The following RAB2B variants were observed in gnomAD, a reference collection of about 807,000 sequenced individuals.
RAB2B encodes RAB2B, member RAS oncogene family.
A neutral mutation model predicts 29.8 loss-of-function variants in RAB2B; 20 were observed. That is an observed-to-expected ratio of 0.67 (90% CI 0.47 to 0.97). The LOEUF (loss-of-function observed/expected upper bound fraction) is 0.97, where lower values mean the gene tolerates loss of function less well. RAB2B is among the 50% of genes least tolerant of loss of function. RAB2B has a pLI of 0.00. For synonymous variants in RAB2B, 93 were observed against 91.7 expected, an observed-to-expected ratio of 1.01 and a Z score of -0.08; for missense variants, 218 against 272.0, an observed-to-expected ratio of 0.80 and a Z score of 1.40.
rs1161100797 is a variant in RAB2B, at chr14:21,463,653, T to A, written c.474+3A>T. Reference sequence around the variant, plus strand: ...GCTTTCCCCACTGTTTTCCAAATAGTACCTCTTCAACATTGCAGGCTGTTT... The same window carrying A: ...GCTTTCCCCACTGTTTTCCAAATAGAACCTCTTCAACATTGCAGGCTGTTT... On this transcript the variant is annotated splice_donor_region_variant and intron_variant, in intron 6 of 7. Coordinates refer to ENST00000397762, the MANE Select transcript of RAB2B (RefSeq NM_032846.4). 1 of 1,590,576 alleles carries A rather than the reference T, an allele frequency of 6.3e-7. No homozygotes were observed. Among genetic ancestry groups the A allele is most frequent in the Non-Finnish European group, 8.6e-7 (1 of 1,158,970 alleles).
intron 3 of RAB2B, among the ~76,000 whole-genome samples, chr14:21,469,656 TAAGA>T (rs1314937931): frequency 1.3e-5 from 2 of 152,222 alleles, no homozygotes; most frequent in Non-Finnish European, 2.9e-5. Context: ...TCTATCCTAT[TAAGA>T]AAGTTTTCAC....
At chr14:21,468,571 C>T in intron 4 of RAB2B, 99 bp downstream of exon 4, 1 of 1,256,908 alleles carries the variant, frequency 8.0e-7, no homozygotes, top group Non-Finnish European at 1.1e-6. Flanking sequence ...GAGGCCATTC[C>T]TAGTTAACAT....
intron 3 of RAB2B, among the ~76,000 whole-genome samples, chr14:21,472,393 T>C (rs1890839810): frequency 1.3e-5 from 2 of 152,108 alleles, no homozygotes; most frequent in African/African-American, 2.4e-5. Flanking sequence ...AACATTTTCA[T>C]GTAGGATGGG....
rs945138551 is a variant in RAB2B at position 21,459,289 on chromosome 14, T to C, written c.*1907A>G. 2 of 151,940 alleles carry C rather than the reference T, an allele frequency of 1.3e-5. No homozygotes were observed. The highest frequency in any genetic ancestry group is 4.8e-5 in the African/African-American group (2 of 41,360). 9.4% of individuals were successfully genotyped at this position (151,940 alleles called of 1,614,324 possible). A position where few individuals can be genotyped will look rare whatever the true frequency, so the allele number is the denominator to read the frequency against. ...GCAGGCAGCCTTACTGTATGCCTCATGGAATGGAGGCAAAAAGCCAGGGAA... is the reference window on the plus strand; with the variant it reads ...GCAGGCAGCCTTACTGTATGCCTCACGGAATGGAGGCAAAAAGCCAGGGAA... On this transcript the variant is annotated 3_prime_UTR_variant, in exon 8 of 8. Coordinates refer to ENST00000397762, the MANE Select transcript of RAB2B (RefSeq NM_032846.4).
At chr14:21,462,872 A>C (rs1890597047) in intron 6 of RAB2B, among the ~76,000 whole-genome samples, 1 of 151,986 alleles carries the variant, frequency 6.6e-6, no homozygotes. Context: ...AAAGAAAAAA[A>C]ACATAGAAGG....
intron 5 of RAB2B, among the ~76,000 whole-genome samples, chr14:21,464,636 G>GA (rs1009381797): frequency 1.3e-5 from 2 of 151,256 alleles, no homozygotes; most frequent in East Asian, 1.9e-4. Context: ...AAAATTAGGT[G>GA]AAAAAAAAGA....
intron 5 of RAB2B, 150 bp from the exon 6 acceptor site, chr14:21,463,917 G>A (rs949766476): frequency 1.7e-6 from 1 of 589,336 alleles, no homozygotes; most frequent in Admixed American, 3.1e-5. Context: ...CAGAGTTACT[G>A]ATTTTTGTAG....
intron 3 of RAB2B, among the ~76,000 whole-genome samples, chr14:21,471,335 G>A (rs959245305): frequency 3.3e-5 from 5 of 151,504 alleles, no homozygotes; most frequent in Non-Finnish European, 7.4e-5. Context: ...TGAAGCAGCA[G>A]GCTGGGCACC....
At chr14:21,474,623 A>G (rs1400693023) in intron 3 of RAB2B, 1 of 430,718 alleles carries the variant, frequency 2.3e-6, no homozygotes, top group African/African-American at 2.0e-5. Flanking sequence ...TTTCTATTCT[A>G]TAAATTTATA....
intron 3 of RAB2B, among the ~76,000 whole-genome samples, chr14:21,472,821 TAAAA>T (rs61115443): frequency 7.6e-6 from 1 of 131,086 alleles, no homozygotes; most frequent in Non-Finnish European, 1.6e-5. Context: ...TATGAGTGCT[TAAAA>T]AAAAAAAAAA....
At position 21,476,955 on chromosome 14, in the gene RAB2B, T is replaced by C; in HGVS notation, c.-83A>G. 3 of 1,449,716 alleles carry C rather than the reference T, an allele frequency of 2.1e-6. No individual in the cohort carries two copies. The highest frequency in any genetic ancestry group is 4.5e-5 in the East Asian group (2 of 44,038). 89.8% of individuals were successfully genotyped at this position (1,449,716 alleles called of 1,614,324 possible). A position where few individuals can be genotyped will look rare whatever the true frequency, so the allele number is the denominator to read the frequency against. ...CCTCTCTAGCCACTCAATCTACCGA[T>C]CTTCTTCTTCTCCCCCTTCCCCCCG... is the stretch of plus-strand genomic sequence containing the variant. On this transcript the variant is annotated 5_prime_UTR_variant, in exon 1 of 8. Coordinates refer to ENST00000397762, the MANE Select transcript of RAB2B (RefSeq NM_032846.4).
At position 21,476,538 on chromosome 14, in the gene RAB2B, G is replaced by A. The variant is rs149304020; in HGVS notation, c.108C>T (p.Asp36=). The change falls in exon 2 of 8, where the codon GAC becomes GAT. Residue 36 remains aspartate, a synonymous_variant. Coordinates refer to ENST00000397762, the MANE Select transcript of RAB2B (RefSeq NM_032846.4). ...AGTAGATGCACTTACCTATTGTGAG[G>A]TCGTGGACAGGCTGGAACCGCTTAT... The part of the protein sequence containing the change: ...FTDKRFQPVH[D]LTIGVEFGAR... The A allele has an allele frequency of 1.1e-4, 180 of 1,613,638 alleles. No homozygotes were observed. Among genetic ancestry groups the A allele is most frequent in the Middle Eastern group, 1.6e-4 (1 of 6,084 alleles).
chr14:21,475,773 T>C (rs994555446), intron 2 of RAB2B, among the ~76,000 whole-genome samples: 2 of 152,210 alleles, frequency 1.3e-5, no homozygotes, highest in African/African-American at 2.4e-5. Context: ...CATCAATTAT[T>C]TGACTCTAAA....
chr14:21,472,473 C>T (rs1890841448), intron 3 of RAB2B, among the ~76,000 whole-genome samples: 1 of 152,082 alleles, frequency 6.6e-6, no homozygotes, highest in African/African-American at 2.4e-5. Context: ...GGCAGGAGAT[C>T]AGGGCTGACA....
Position 21,460,277 on chromosome 14 carries a change from T to C in RAB2B, c.*919A>G, listed in dbSNP as rs776505538. 1.9e-6 allele frequency: 1 copy of C among 518,368 alleles called. No individual in the cohort carries two copies. Among genetic ancestry groups the C allele is most frequent in the Non-Finnish European group, 3.9e-6 (1 of 259,664 alleles). 32.1% of individuals were successfully genotyped at this position (518,368 alleles called of 1,614,324 possible). A position where few individuals can be genotyped will look rare whatever the true frequency, so the allele number is the denominator to read the frequency against. On this transcript the variant is annotated 3_prime_UTR_variant, in exon 8 of 8. Transcript: ENST00000397762. ...ACCCTAATTCTTAGTGGGAAGTGGA[T>C]TGTATATGCTTACGAAATTATTTAT... is the stretch of plus-strand genomic sequence containing the variant.
chr14:21,464,356 C>T (rs1369577554), intron 5 of RAB2B, among the ~76,000 whole-genome samples: 2 of 152,122 alleles, frequency 1.3e-5, no homozygotes, highest in Non-Finnish European at 2.9e-5. Context: ...ACTGAGATCG[C>T]GCCATTGCAC....
rs748351591 is a variant in RAB2B at position 21,474,591 on chromosome 14, T to TA, written c.186+275_186+276insT. ...AAGATGGGAAGGGAGAAAGAGTTTA[T>TA]GTATCAAAAGGGGACATTTACTTTC... On this transcript the variant is annotated intron_variant, in intron 3 of 7. Transcript: ENST00000397762. 88 of 374,168 alleles carry TA rather than the reference T, an allele frequency of 2.4e-4. 1 individual carries two copies. The highest frequency in any genetic ancestry group is 4.3e-4 in the Admixed American group (10 of 23,470). The allele number at this position is 374,168 out of a possible 1,614,324, so 23.2% of individuals were successfully genotyped here.
rs1890550783 is a variant in RAB2B, at chr14:21,461,317, G to A, written c.544-14C>T. Reference sequence around the variant, plus strand: ...GATGCCATTTGCCTGTAAAAGAAAAGAGGCAATAGTTCCCACCTCAGTGTT... The same window carrying A: ...GATGCCATTTGCCTGTAAAAGAAAAAAGGCAATAGTTCCCACCTCAGTGTT... On this transcript the variant is annotated splice_polypyrimidine_tract_variant and intron_variant, in intron 7 of 7. Coordinates refer to ENST00000397762, the MANE Select transcript of RAB2B (RefSeq NM_032846.4). 6.3e-7 allele frequency: 1 copy of A among 1,588,130 alleles called. No individual in the cohort carries two copies. The highest frequency in any genetic ancestry group is 8.6e-7 in the Non-Finnish European group (1 of 1,157,830).
chr14:21,475,532 G>T (rs993823563), intron 2 of RAB2B, among the ~76,000 whole-genome samples: 28 of 149,574 alleles, frequency 1.9e-4, no homozygotes, highest in Non-Finnish European at 1.0e-4. Flanking sequence ...CTGAGTTCAA[G>T]TGATTCTCCT....
Sources: allele counts gnomAD v4.1 joint callset (sites outside exome capture counted in the v4.1 genomes callset), GRCh38; gene constraint gnomAD v4.1.1; transcripts MANE v1.5; gene names NCBI Gene and HGNC (gene_info 2026-07-23, HGNC 2026-07-21).